Variants in PEX14 observed in about 807,000 individuals in gnomAD.
PEX14 encodes peroxisomal biogenesis factor 14.
A neutral mutation model predicts 49.5 loss-of-function variants in PEX14; 15 were observed. The observed-to-expected ratio is 0.30, with a 90% CI of 0.20 to 0.47. The LOEUF is 0.47. Among genes scored for constraint, PEX14 ranks in the 20% least tolerant of loss-of-function variants. PEX14 has a pLI of 1.00. For missense variants in PEX14, 398 were observed against 494.8 expected (o/e 0.80, Z 1.86); for synonymous variants, 210 against 212.7 (o/e 0.99, Z 0.11).
At chr1:10,587,684 G>T (rs1327686669) in intron 3 of PEX14, among the ~76,000 whole-genome samples, 1 of 151,942 alleles carries the variant, frequency 6.6e-6, no homozygotes, top group African/African-American at 2.4e-5. Flanking sequence ...TTTGTTTGTA[G>T]CAGTAAAGGT....
intron 2 of PEX14, among the ~76,000 whole-genome samples, chr1:10,519,888 GC>G (rs1557823826): frequency 6.6e-6 from 1 of 152,002 alleles, no homozygotes; most frequent in Non-Finnish European, 1.5e-5. Context: ...TGATCCTCCC[GC>G]CTCGACCTCC....
intron 3 of PEX14, 43 bp downstream of exon 3, chr1:10,536,340 C>G: frequency 2.6e-6 from 3 of 1,166,540 alleles, no homozygotes; most frequent in Non-Finnish European, 3.9e-6. Flanking sequence ...TACAGGGGGA[C>G]TGGGGCTGGG....
At position 10,614,723 on chromosome 1, in the gene PEX14, G is replaced by A. The variant is rs568893704; in HGVS notation, c.299-3609G>A. On this transcript the variant is annotated intron_variant, in intron 4 of 8. Coordinates refer to ENST00000356607, the MANE Select transcript of PEX14 (RefSeq NM_004565.3). Reference sequence around the variant, plus strand: ...ATATGGTATTCGGGCCGTGGGCCCCGTTCTGCACTTGTTCTGCCTGAGGAT... The same window carrying A: ...ATATGGTATTCGGGCCGTGGGCCCCATTCTGCACTTGTTCTGCCTGAGGAT... Among the ~76,000 whole-genome samples, 5 of 152,318 alleles carry A rather than the reference G, an allele frequency of 3.3e-5. No homozygotes were observed. The East Asian group carries it at 9.6e-4, about 29-fold the overall frequency.
Position 10,556,999 on chromosome 1 carries a change from G to A in PEX14, c.169+20702G>A, listed in dbSNP as rs183119527. Among the ~76,000 whole-genome samples the A allele has an allele frequency of 2.7e-3, 414 of 152,230 alleles. 6 individuals are homozygous for A. The highest frequency in any genetic ancestry group is 0.019 in the East Asian group (97 of 5,176). On this transcript the variant is annotated intron_variant, in intron 3 of 8. Transcript: ENST00000356607. ...TGGGACTGTTGAGTCTTACCTTAAA[G>A]TCATTTGAGTAAGTCATTAAGTAAA...
intron 2 of PEX14, among the ~76,000 whole-genome samples, chr1:10,505,341 G>A (rs1641763376): frequency 6.6e-6 from 1 of 151,962 alleles, no homozygotes; most frequent in Admixed American, 6.6e-5. Context: ...CATGTGGCTC[G>A]AGCCTGTAGT....
chr1:10,595,651 AGAG>A (rs1302521565), intron 3 of PEX14, among the ~76,000 whole-genome samples: 1 of 152,246 alleles, frequency 6.6e-6, no homozygotes, highest in East Asian at 1.9e-4. Context: ...TTAGATGAAT[AGAG>A]GAGGGAGGAG....
intron 1 of PEX14, among the ~76,000 whole-genome samples, chr1:10,486,219 T>A (rs1392242956): frequency 6.6e-6 from 1 of 152,214 alleles, no homozygotes; most frequent in African/African-American, 2.4e-5. Flanking sequence ...AAAGTAACAG[T>A]GGAAGTGGAT....
chr1:10,543,659 T>C (rs2506896), intron 3 of PEX14, among the ~76,000 whole-genome samples: 42,251 of 151,998 alleles, frequency 0.28, 6,407 homozygotes, highest in Admixed American at 0.37. Flanking sequence ...TAGGCTGGAA[T>C]GTAATGGCAT....
At chr1:10,547,318 G>A (rs949057640) in intron 3 of PEX14, among the ~76,000 whole-genome samples, 1 of 152,218 alleles carries the variant, frequency 6.6e-6, no homozygotes, top group African/African-American at 2.4e-5. Context: ...AAAGCAGCAA[G>A]AACAGCAGTC....
intron 3 of PEX14, among the ~76,000 whole-genome samples, chr1:10,558,045 AC>A (rs1639545387): frequency 6.6e-6 from 1 of 152,142 alleles, no homozygotes; most frequent in African/African-American, 2.4e-5. Context: ...GTGATCAGGG[AC>A]ATTCTATTCT....
intron 3 of PEX14, among the ~76,000 whole-genome samples, chr1:10,566,254 G>C (rs1639801109): frequency 6.6e-6 from 1 of 152,170 alleles, no homozygotes. Context: ...TTGAACTTAA[G>C]AGCCATTTTT....
At chr1:10,603,557 G>A (rs1287052902) in intron 4 of PEX14, among the ~76,000 whole-genome samples, 1 of 152,040 alleles carries the variant, frequency 6.6e-6, no homozygotes, top group Non-Finnish European at 1.5e-5. Context: ...GAGAAGTCAG[G>A]CTGTGATTCG....
rs1638597686 is a variant in PEX14 at position 10,529,998 on chromosome 1, C to T, written c.85-6215C>T. Among the ~76,000 whole-genome samples, 1 of 152,182 alleles carries T rather than the reference C, an allele frequency of 6.6e-6. No individual in the cohort carries two copies. Among genetic ancestry groups the T allele is most frequent in the African/African-American group, 2.4e-5 (1 of 41,436 alleles). ...GAGTGCCAGGGCACTTGCTAGCCAG[C>T]TCCTTACCCAGGTGCAGGAGGCTAC... On this transcript the variant is annotated intron_variant, in intron 2 of 8. Transcript: ENST00000356607. This position sits in a 1 kb window ranked among gnomAD's most constrained non-coding sequence, Gnocchi z 4.2.
At chr1:10,518,919 C>G (rs563678102) in intron 2 of PEX14, among the ~76,000 whole-genome samples, 3 of 152,054 alleles carry the variant, frequency 2.0e-5, no homozygotes, top group African/African-American at 7.2e-5. Flanking sequence ...TCGTTATGTC[C>G]GTTTTGTCCT....
In PEX14 at chr1:10,565,530, C is replaced by T. The variant is rs370535338; in HGVS notation, c.169+29233C>T. Among the ~76,000 whole-genome samples, 5 of 152,256 alleles carry T rather than the reference C, an allele frequency of 3.3e-5. No homozygotes were observed. In the East Asian group the frequency reaches 5.8e-4, roughly 18 times the overall value. On this transcript the variant is annotated intron_variant, in intron 3 of 8. Transcript: ENST00000356607. ...TACAAGCTATTTCATCTCAGTTAGA[C>T]GCAGAAAGCCTCTCAATGCTGTTTT...
chr1:10,622,434 G>A (rs1356901392), intron 5 of PEX14, among the ~76,000 whole-genome samples: 2 of 152,176 alleles, frequency 1.3e-5, no homozygotes, highest in African/African-American at 2.4e-5. Flanking sequence ...GCCTCAGAGC[G>A]CACATGTTAT....
At position 10,624,320 on chromosome 1, in the gene PEX14, T is replaced by C. The variant is rs1641682362; in HGVS notation, c.488-20T>C. On this transcript the variant is annotated intron_variant, in intron 6 of 8. Transcript: ENST00000356607. ...TGTGCCTGTGAATTTGCCAGCGCCGTGACTGCTTTCTCCTCGCAGTGACTC... is the reference window on the plus strand; with the variant it reads ...TGTGCCTGTGAATTTGCCAGCGCCGCGACTGCTTTCTCCTCGCAGTGACTC... 6.4e-7 allele frequency: 1 copy of C among 1,555,294 alleles called. No individual in the cohort carries two copies. The highest frequency in any genetic ancestry group is 1.7e-5 in the Admixed American group (1 of 59,972).
At chr1:10,625,839 G>C (rs1039839255) in intron 7 of PEX14, among the ~76,000 whole-genome samples, 1 of 152,242 alleles carries the variant, frequency 6.6e-6, no homozygotes, top group Non-Finnish European at 1.5e-5. Flanking sequence ...GGATGTGCTT[G>C]GTGGTGAGAG....
chr1:10,601,581 G>A (rs564440604), intron 4 of PEX14, among the ~76,000 whole-genome samples: 2 of 152,336 alleles, frequency 1.3e-5, no homozygotes, highest in East Asian at 3.9e-4. Flanking sequence ...GGGAGTGTGT[G>A]CTCAAGTGTG....
Sources: gnomAD v4.1 joint callset for allele counts (sites outside exome capture counted in the v4.1 genomes callset) on GRCh38, gnomAD v4.1.1 for gene constraint, Gnocchi (gnomAD v3.1) non-coding constraint, MANE v1.5 for transcripts, NCBI Gene and HGNC (gene_info 2026-07-23, HGNC 2026-07-21) for gene names.